TRPM3: variants seen among roughly 807,000 people sequenced by gnomAD.
The protein encoded by TRPM3 is long transient receptor potential channel 3.
In TRPM3, 77 loss-of-function variants were observed where a neutral mutation model predicts 181.2. That is an observed-to-expected ratio of 0.42 (90% CI 0.35 to 0.51). The LOEUF (loss-of-function observed/expected upper bound fraction) is 0.51. TRPM3 is among the 20% of genes least tolerant of loss of function. TRPM3 has a pLI of 0.01. For synonymous variants in TRPM3, 745 were observed against 796.4 expected (o/e 0.94, Z 1.09); for missense variants, 1,759 against 2,196.7 (o/e 0.80, Z 3.98).
At chr9:71,243,788 A>G (rs1399192978) in intron 1 of TRPM3, among the ~76,000 whole-genome samples, 1 of 152,240 alleles carries the variant, frequency 6.6e-6, no homozygotes. Flanking sequence ...GGGCTAGGGA[A>G]GATGCACACA....
intron 1 of TRPM3, among the ~76,000 whole-genome samples, chr9:71,215,141 A>G (rs1272578314): frequency 6.6e-6 from 1 of 152,078 alleles, no homozygotes; most frequent in African/African-American, 2.4e-5. Context: ...GACAGAAAGT[A>G]ATAGTTCATA....
At chr9:70,993,397 T>C (rs986847714) in intron 1 of TRPM3, among the ~76,000 whole-genome samples, 4 of 152,106 alleles carry the variant, frequency 2.6e-5, no homozygotes, top group African/African-American at 9.7e-5. Context: ...TATTTTCTAA[T>C]GGGCTAACTG....
chr9:71,247,932 T>C (rs1252133538), intron 1 of TRPM3, among the ~76,000 whole-genome samples: 2 of 152,276 alleles, frequency 1.3e-5, no homozygotes, highest in East Asian at 3.9e-4. Flanking sequence ...ATAGGTGTAA[T>C]AGTGAAATAT....
At chr9:71,295,497 C>T (rs2086185824) in intron 1 of TRPM3, among the ~76,000 whole-genome samples, 2 of 139,364 alleles carry the variant, frequency 1.4e-5, no homozygotes, top group African/African-American at 6.4e-5. Context: ...AAAAGTATAA[C>T]TTATCTTATA....
chr9:71,053,414 A>T (rs1214344055), intron 1 of TRPM3, among the ~76,000 whole-genome samples: 2 of 152,078 alleles, frequency 1.3e-5, no homozygotes, highest in Non-Finnish European at 2.9e-5. Context: ...ATGAAAAGGT[A>T]TATTATTAAA....
intron 1 of TRPM3, among the ~76,000 whole-genome samples, chr9:70,994,450 C>T (rs754634211): frequency 6.6e-6 from 1 of 152,072 alleles, no homozygotes; most frequent in Non-Finnish European, 1.5e-5. Flanking sequence ...GACTCTATTC[C>T]TTATTTTTCT....
intron 1 of TRPM3, among the ~76,000 whole-genome samples, chr9:70,923,909 CATATAT>C (rs1199813621): frequency 1.9e-5 from 2 of 106,426 alleles, no homozygotes; most frequent in African/African-American, 2.7e-5. Flanking sequence ...TACACACACA[CATATAT>C]ACATATATAC....
chr9:71,245,630 C>T (rs1480984628), intron 1 of TRPM3, among the ~76,000 whole-genome samples: 2 of 152,116 alleles, frequency 1.3e-5, no homozygotes, highest in African/African-American at 2.4e-5. Context: ...TAGGCTTTAA[C>T]CAGGGCAGTA....
chr9:71,275,780 A>G (rs2084159207), intron 1 of TRPM3, among the ~76,000 whole-genome samples: 1 of 152,158 alleles, frequency 6.6e-6, no homozygotes, highest in Admixed American at 6.5e-5. Flanking sequence ...CCAAAATAGA[A>G]TGATGAGTGC....
At chr9:71,086,805 TTAATATTCTAGGCAGAGC>T (rs1466803971) in intron 1 of TRPM3, among the ~76,000 whole-genome samples, 2 of 151,996 alleles carry the variant, frequency 1.3e-5, no homozygotes, top group East Asian at 3.9e-4. Context: ...TGATGCTAAC[TTAATATTCTAGGCAGAGC>T]TAGGAGTAGG....
At chr9:71,185,143 A>C (rs1329765) in intron 1 of TRPM3, among the ~76,000 whole-genome samples, 65,501 of 151,886 alleles carry the variant, frequency 0.43, 14,509 homozygotes, top group East Asian at 0.52. Context: ...TTAGGGTAAA[A>C]AAAGTGCTGT....
rs184174467 is a variant in TRPM3, at chr9:71,136,836, T to C, written c.184-272325A>G. Reference sequence around the variant, plus strand: ...AAAGGCAAGGAAGGAAGAAGGCCCATGGCGCACTTTGAAGACAGGAAGTAG... The same window carrying C: ...AAAGGCAAGGAAGGAAGAAGGCCCACGGCGCACTTTGAAGACAGGAAGTAG... On this transcript the variant is annotated intron_variant, in intron 1 of 24. Coordinates refer to the TRPM3 transcript ENST00000357533. Among the ~76,000 whole-genome samples the C allele has an allele frequency of 2.0e-3, 303 of 152,250 alleles. 2 individuals carry two copies. The highest frequency in any genetic ancestry group is 6.7e-3 in the African/African-American group (278 of 41,554).
intron 1 of TRPM3, among the ~76,000 whole-genome samples, chr9:70,968,628 A>T (rs2097208512): frequency 1.3e-5 from 2 of 152,136 alleles, no homozygotes; most frequent in African/African-American, 4.8e-5. Flanking sequence ...AAATTGTTGT[A>T]CTGGCTTCAG....
chr9:71,411,684 A>C (rs1045931859), intron 1 of TRPM3, among the ~76,000 whole-genome samples: 1 of 152,368 alleles, frequency 6.6e-6, no homozygotes, highest in African/African-American at 2.4e-5. Context: ...AAGGTAATTT[A>C]TAGATTCAAT....
chr9:71,325,829 A>AT (rs930724148), intron 1 of TRPM3, among the ~76,000 whole-genome samples: 7 of 151,918 alleles, frequency 4.6e-5, no homozygotes, highest in Admixed American at 6.5e-5. Context: ...TAATTTTATG[A>AT]TTTTTTTTCT....
At chr9:70,984,587 G>C (rs1429272583) in intron 1 of TRPM3, among the ~76,000 whole-genome samples, 2 of 152,208 alleles carry the variant, frequency 1.3e-5, no homozygotes, top group Non-Finnish European at 2.9e-5. Context: ...CCAGTGACCA[G>C]AAAACAGATA....
chr9:70,753,132 G>C (rs2076476527), intron 8 of TRPM3, among the ~76,000 whole-genome samples: 1 of 151,968 alleles, frequency 6.6e-6, no homozygotes, highest in African/African-American at 2.4e-5. Context: ...AATACACTAT[G>C]ATGTTCACAC....
intron 7 of TRPM3, among the ~76,000 whole-genome samples, chr9:70,763,695 G>C (rs1355132786): frequency 6.6e-6 from 1 of 152,170 alleles, no homozygotes; most frequent in Admixed American, 6.5e-5. Flanking sequence ...CACACACTAG[G>C]ATGTGCCAGG....
chr9:70,879,975 C>T (rs1272026937), intron 1 of TRPM3, among the ~76,000 whole-genome samples: 2 of 152,088 alleles, frequency 1.3e-5, no homozygotes, highest in Non-Finnish European at 2.9e-5. Flanking sequence ...GTATTGCATT[C>T]ACCAATTCTG....
Sources: allele counts gnomAD v4.1 joint callset (sites outside exome capture counted in the v4.1 genomes callset), GRCh38; gene constraint gnomAD v4.1.1; transcripts MANE v1.5; gene names NCBI Gene and HGNC (gene_info 2026-07-23, HGNC 2026-07-21).